TMEM45A: variants seen among roughly 807,000 people sequenced by gnomAD.
TMEM45A encodes DNA polymerase-transactivated protein 4.
Under a neutral mutation model 32.0 loss-of-function variants are expected in TMEM45A, and 25 were observed. The ratio of observed to expected loss-of-function variants is 0.78; its 90% CI spans 0.57 to 1.09. The LOEUF (loss-of-function observed/expected upper bound fraction) is 1.09, where lower values mean the gene tolerates loss of function less well. TMEM45A is among the 50% of genes least tolerant of loss of function. The probability of loss-of-function intolerance (pLI) is 0.00; values close to 1 mark genes in which losing one functional copy is unlikely to be tolerated. For missense variants in TMEM45A, 302 were observed against 325.0 expected (o/e 0.93, Z 0.54); for synonymous variants, 122 against 114.8 (o/e 1.06, Z -0.40).
At position 100,514,747 on chromosome 3, in the gene TMEM45A, C is replaced by T. The variant is rs570043550; in HGVS notation, c.-4+21819C>T. On this transcript the variant is annotated intron_variant, in intron 1 of 5. Transcript: ENST00000323523. ...ACTCATCTGACAAAGGGCAAATATC[C>T]AGAATCTACAATGAACTCTAACAAA... is the stretch of plus-strand genomic sequence containing the variant. Among the ~76,000 whole-genome samples, 5 of 152,180 alleles carry T rather than the reference C, an allele frequency of 3.3e-5. No homozygotes were observed. In the South Asian group the frequency reaches 8.3e-4, roughly 25 times the overall value.
At chr3:100,546,162 C>T (rs1295431220) in intron 1 of TMEM45A, among the ~76,000 whole-genome samples, 1 of 152,176 alleles carries the variant, frequency 6.6e-6, no homozygotes, top group African/African-American at 2.4e-5. Context: ...GACATGTATT[C>T]TCCCTTACAG....
rs147627056 is a variant in TMEM45A at position 100,575,991 on chromosome 3, C to G, written c.735-934C>G. Among the ~76,000 whole-genome samples, 531 of 152,278 alleles carry G rather than the reference C, an allele frequency of 3.5e-3. 5 individuals carry two copies. The highest frequency in any genetic ancestry group is 5.3e-3 in the Non-Finnish European group (359 of 68,020). ...TTGGTTTCATCTGGGCTTGCCACAG[C>G]CCAGCGATTCTCTTAATTGTTTTAG... is the stretch of plus-strand genomic sequence containing the variant. On this transcript the variant is annotated intron_variant, in intron 5 of 5. Transcript: ENST00000323523.
intron 1 of TMEM45A, among the ~76,000 whole-genome samples, chr3:100,496,078 G>A (rs564985877): frequency 6.6e-6 from 1 of 152,326 alleles, no homozygotes; most frequent in South Asian, 2.1e-4. Context: ...CTGTGGTAGA[G>A]AGGTGTGCCT....
At chr3:100,514,647 G>C (rs1708229280) in intron 1 of TMEM45A, among the ~76,000 whole-genome samples, 1 of 152,120 alleles carries the variant, frequency 6.6e-6, no homozygotes, top group Non-Finnish European at 1.5e-5. Context: ...AAACTAAAGA[G>C]CTTGTGCACA....
intron 1 of TMEM45A, among the ~76,000 whole-genome samples, chr3:100,511,814 G>T (rs1433178474): frequency 6.6e-6 from 1 of 151,848 alleles, no homozygotes; most frequent in Non-Finnish European, 1.5e-5. Context: ...AAAAGGCAGG[G>T]GTTGCAATTC....
intron 1 of TMEM45A, among the ~76,000 whole-genome samples, chr3:100,516,272 A>C (rs1198667447): frequency 3.9e-5 from 6 of 152,218 alleles, no homozygotes; most frequent in Admixed American, 6.5e-5. Context: ...AGAGAAATAC[A>C]CTGGAAACTT....
At chr3:100,498,514 G>C (rs1365439528) in intron 1 of TMEM45A, among the ~76,000 whole-genome samples, 3 of 152,140 alleles carry the variant, frequency 2.0e-5, no homozygotes, top group African/African-American at 4.8e-5. Context: ...TGTAGGTTTT[G>C]GACTTGCTAG....
At chr3:100,495,706 G>A (rs1707914741) in intron 1 of TMEM45A, among the ~76,000 whole-genome samples, 1 of 152,264 alleles carries the variant, frequency 6.6e-6, no homozygotes, top group Admixed American at 6.5e-5. Context: ...AGGTCCTGCA[G>A]GTTGGGTGGG....
At chr3:100,493,114 G>A (rs1576250624) in intron 1 of TMEM45A, among the ~76,000 whole-genome samples, 186 bp downstream of exon 1, 1 of 123,212 alleles carries the variant, frequency 8.1e-6, no homozygotes, top group South Asian at 2.6e-4. Flanking sequence ...TTTTTGGTTT[G>A]CTATTCTTTT....
intron 1 of TMEM45A, among the ~76,000 whole-genome samples, chr3:100,513,841 C>G (rs1405796703): frequency 6.6e-6 from 1 of 152,090 alleles, no homozygotes; most frequent in African/African-American, 2.4e-5. Context: ...AACAGACAAA[C>G]AGAGAGCCAA....
chr3:100,576,961 A>T lies in TMEM45A; in HGVS notation c.771A>T (p.Ser257=), dbSNP rs1706702732. The change falls in exon 6 of 6, where the codon TCA becomes TCT. Residue 257 remains serine (S), a synonymous_variant. Coordinates refer to ENST00000323523, the MANE Select transcript of TMEM45A (RefSeq NM_018004.3). ...CTAGACTTAAGAGGCTCTGCTCCTCAGAAGTTGGACTTCTGAAAAATGCTG... is the reference window on the plus strand; with the variant it reads ...CTAGACTTAAGAGGCTCTGCTCCTCTGAAGTTGGACTTCTGAAAAATGCTG... ...VKSRLKRLCS[S]EVGLLKNAER... The T allele has an allele frequency of 6.2e-7, 1 of 1,613,756 alleles. No individual in the cohort carries two copies. Among genetic ancestry groups the T allele is most frequent in the Admixed American group, 1.7e-5 (1 of 60,024 alleles).
chr3:100,510,108 G>A (rs1208237673), intron 1 of TMEM45A, among the ~76,000 whole-genome samples: 2 of 152,236 alleles, frequency 1.3e-5, no homozygotes, highest in African/African-American at 2.4e-5. Context: ...GAACTGGGTG[G>A]AGCCCACCAC....
At chr3:100,532,687 G>A (rs1705667608) in intron 1 of TMEM45A, among the ~76,000 whole-genome samples, 1 of 152,196 alleles carries the variant, frequency 6.6e-6, no homozygotes, top group South Asian at 2.1e-4. Flanking sequence ...TTGAGGCATG[G>A]AGATGAGTGG....
chr3:100,499,526 C>A (rs1259451248), intron 1 of TMEM45A, among the ~76,000 whole-genome samples: 2 of 152,164 alleles, frequency 1.3e-5, no homozygotes, highest in Non-Finnish European at 2.9e-5. Flanking sequence ...TCATTCTTGA[C>A]ATCATTTTTC....
At chr3:100,526,650 G>A (rs931087556) in intron 1 of TMEM45A, among the ~76,000 whole-genome samples, 1 of 152,140 alleles carries the variant, frequency 6.6e-6, no homozygotes, top group African/African-American at 2.4e-5. Context: ...CTTAAGGCAA[G>A]TTAGCCATAA....
chr3:100,539,272 A>G (rs1705802977), intron 1 of TMEM45A, among the ~76,000 whole-genome samples: 1 of 152,254 alleles, frequency 6.6e-6, no homozygotes, highest in East Asian at 1.9e-4. Flanking sequence ...ATAGAAGAGA[A>G]TAGATAGCCC....
intron 1 of TMEM45A, chr3:100,519,584 G>C: frequency 4.5e-6 from 7 of 1,551,058 alleles, no homozygotes; most frequent in Non-Finnish European, 6.1e-6. Flanking sequence ...ACTCAGAAGG[G>C]AAAATGGGAT....
At chr3:100,562,438 A>T (rs1195387434) in intron 4 of TMEM45A, among the ~76,000 whole-genome samples, 1 of 152,248 alleles carries the variant, frequency 6.6e-6, no homozygotes, top group African/African-American at 2.4e-5. Flanking sequence ...CAGTGGCCTC[A>T]GTCAAATCTT....
intron 1 of TMEM45A, among the ~76,000 whole-genome samples, chr3:100,515,408 C>G (rs1445308518): frequency 2.1e-5 from 3 of 143,864 alleles, no homozygotes. Context: ...TATTCTCACT[C>G]ATAGGTGGGA....
Sources: allele counts gnomAD v4.1 joint callset (sites outside exome capture counted in the v4.1 genomes callset), GRCh38; gene constraint gnomAD v4.1.1; transcripts MANE v1.5; gene names NCBI Gene and HGNC (gene_info 2026-07-23, HGNC 2026-07-21).